The following FCHSD2 variants were observed in gnomAD, a reference collection of about 807,000 sequenced individuals.
FCHSD2 encodes the protein FCH and double SH3 domains 2, also known as F-BAR and double SH3 domains protein 2.
In FCHSD2, 38 loss-of-function variants were observed where a neutral mutation model predicts 108.1. That is an observed-to-expected ratio of 0.35 (90% CI 0.27 to 0.46). The LOEUF (loss-of-function observed/expected upper bound fraction) is 0.46, where lower values mean the gene tolerates loss of function less well. Ranked by LOEUF, FCHSD2 falls within the 20% of genes least tolerant of loss-of-function variation. The pLI is 1.00. For synonymous variants in FCHSD2, 279 were observed against 314.7 expected (o/e 0.89, Z 1.20); for missense variants, 751 against 897.8 (o/e 0.84, Z 2.09).
At chr11:72,873,591 C>T (rs1240472105) in intron 12 of FCHSD2, among the ~76,000 whole-genome samples, 1 of 152,000 alleles carries the variant, frequency 6.6e-6, no homozygotes, top group Non-Finnish European at 1.5e-5. Flanking sequence ...TTGATGATGT[C>T]TAATTTATCT....
intron 2 of FCHSD2, among the ~76,000 whole-genome samples, chr11:73,111,011 T>C (rs564391399): frequency 6.6e-6 from 1 of 152,346 alleles, no homozygotes; most frequent in South Asian, 2.1e-4. Flanking sequence ...TTTCTAGTTT[T>C]ATTCCATTGT....
intron 2 of FCHSD2, among the ~76,000 whole-genome samples, chr11:73,085,998 C>G (rs530445753): frequency 4.9e-4 from 74 of 152,156 alleles, no homozygotes; most frequent in Non-Finnish European, 5.4e-4. Flanking sequence ...TAAAGATGTT[C>G]AAAGAATTAA....
chr11:73,113,384 T>TTTC (rs1565096622), intron 2 of FCHSD2, among the ~76,000 whole-genome samples: 1 of 111,472 alleles, frequency 9.0e-6, no homozygotes, highest in Non-Finnish European at 1.9e-5. Context: ...TTTTTTTTTT[T>TTTC]CTGAGACAAG....
chr11:73,099,483 T>C (rs755467486), intron 2 of FCHSD2, among the ~76,000 whole-genome samples: 1 of 151,976 alleles, frequency 6.6e-6, no homozygotes, highest in Non-Finnish European at 1.5e-5. Context: ...TAAACAAAAA[T>C]TGGCACACAA....
intron 2 of FCHSD2, among the ~76,000 whole-genome samples, chr11:73,138,919 T>A (rs1338637350): frequency 2.0e-5 from 3 of 152,176 alleles, no homozygotes; most frequent in African/African-American, 7.2e-5. Flanking sequence ...CGCATAGGAA[T>A]TTTTAAGTCT....
chr11:72,887,196 A>G (rs1855215957), intron 12 of FCHSD2, among the ~76,000 whole-genome samples: 1 of 151,928 alleles, frequency 6.6e-6, no homozygotes, highest in South Asian at 2.1e-4. Flanking sequence ...GTGGTTTATT[A>G]TGTACCTTTT....
intron 2 of FCHSD2, among the ~76,000 whole-genome samples, chr11:73,114,987 A>C (rs1205412211): frequency 1.3e-5 from 2 of 152,018 alleles, no homozygotes; most frequent in Non-Finnish European, 2.9e-5. Flanking sequence ...AGCTCAGCAC[A>C]AAGACTTGCC....
chr11:73,082,113 G>A (rs1234284375), intron 3 of FCHSD2, among the ~76,000 whole-genome samples: 7 of 152,020 alleles, frequency 4.6e-5, no homozygotes, highest in Admixed American at 6.5e-5. Flanking sequence ...CGAGGTAGGC[G>A]GATCACGTGG....
chr11:73,057,401 G>A (rs551168331), intron 3 of FCHSD2, among the ~76,000 whole-genome samples: 2 of 152,258 alleles, frequency 1.3e-5, no homozygotes, highest in South Asian at 4.1e-4. Context: ...ATTCCACCAG[G>A]ATTTCCTTAC....
intron 2 of FCHSD2, among the ~76,000 whole-genome samples, chr11:73,103,303 T>C (rs951680358): frequency 2.0e-5 from 3 of 152,174 alleles, no homozygotes; most frequent in Non-Finnish European, 4.4e-5. Flanking sequence ...AATCCCAAAT[T>C]ACAAGTATTA....
intron 3 of FCHSD2, among the ~76,000 whole-genome samples, chr11:73,039,184 CAATTCCTTTAGG>C (rs1376056941): frequency 6.6e-6 from 1 of 152,130 alleles, no homozygotes; most frequent in Non-Finnish European, 1.5e-5. Flanking sequence ...TGGGAGTAAG[CAATTCCTTTAGG>C]ATTCCTCATA....
In FCHSD2 at chr11:73,133,374, T is replaced by A. The variant is rs1861048117; in HGVS notation, c.119+6657A>T. ...AAAGTAGAAACAACCCATATCTCTGTCAACTGATGAAGGGATTAATAAAAT... is the reference window on the plus strand; with the variant it reads ...AAAGTAGAAACAACCCATATCTCTGACAACTGATGAAGGGATTAATAAAAT... On this transcript the variant is annotated intron_variant, in intron 2 of 19. Coordinates refer to ENST00000409418, the MANE Select transcript of FCHSD2 (RefSeq NM_014824.3). Among the ~76,000 whole-genome samples, 3 of 152,172 alleles carry A rather than the reference T, an allele frequency of 2.0e-5. No homozygotes were observed. In the South Asian group the frequency reaches 6.2e-4, roughly 32 times the overall value.
intron 8 of FCHSD2, among the ~76,000 whole-genome samples, chr11:72,980,792 C>T (rs962363438): frequency 1.3e-5 from 2 of 151,072 alleles, no homozygotes; most frequent in Non-Finnish European, 2.9e-5. Context: ...CTCTCTTCTA[C>T]CATATTGAGC....
chr11:73,112,830 CTTATTTAGTATT>C (rs1860519277), intron 2 of FCHSD2, among the ~76,000 whole-genome samples: 1 of 151,960 alleles, frequency 6.6e-6, no homozygotes, highest in Non-Finnish European at 1.5e-5. Context: ...TATTTATTTA[CTTATTTAGTATT>C]TTTAGTAGAG....
chr11:73,141,556 T>C (rs1212112891), intron 1 of FCHSD2, among the ~76,000 whole-genome samples: 2 of 152,160 alleles, frequency 1.3e-5, no homozygotes, highest in Admixed American at 6.5e-5. Flanking sequence ...GCCCCGAGAA[T>C]GCACTTTGCA....
intron 3 of FCHSD2, among the ~76,000 whole-genome samples, chr11:73,065,868 G>A (rs1334204511): frequency 2.0e-5 from 3 of 152,074 alleles, no homozygotes; most frequent in Non-Finnish European, 2.9e-5. Context: ...ACAAACAAAT[G>A]GAAAAATATT....
chr11:72,997,860 C>T (rs1374856671), intron 5 of FCHSD2, among the ~76,000 whole-genome samples: 2 of 152,256 alleles, frequency 1.3e-5, no homozygotes, highest in South Asian at 4.1e-4. Flanking sequence ...ACCACCACAC[C>T]TGGCTAATTT....
Position 72,849,765 on chromosome 11 carries a change from T to C in FCHSD2, c.1433A>G (p.Tyr478Cys). 1 of 1,610,786 alleles carries C rather than the reference T, an allele frequency of 6.2e-7. No individual in the cohort carries two copies. Among genetic ancestry groups the C allele is most frequent in the Non-Finnish European group, 8.5e-7 (1 of 1,177,928 alleles). Reference sequence around the variant, plus strand: ...TGGAGAAATACAAACCTTGTAGGAATAAACAACTTTGCAGGTGAGTGGATA... The same window carrying C: ...TGGAGAAATACAAACCTTGTAGGAACAAACAACTTTGCAGGTGAGTGGATA... The part of the protein sequence containing the change: ...RNYPLTCKVV[Y>C]SYKASQPDEL... The change falls in exon 14 of 20, where the codon TAT (tyrosine) becomes TGT (cysteine). Residue 478 changes from tyrosine (Y) to cysteine (C), a missense_variant. By Grantham distance (194) the Tyr-to-Cys change is radical. Transcript: ENST00000409418.
chr11:72,948,671 C>CTTT (rs11400132), intron 8 of FCHSD2, among the ~76,000 whole-genome samples: 1 of 146,110 alleles, frequency 6.8e-6, no homozygotes, highest in Non-Finnish European at 1.5e-5. Flanking sequence ...ATTTTCATTT[C>CTTT]TTTTTTTTTT....
Sources: gnomAD v4.1 joint callset for allele counts (sites outside exome capture counted in the v4.1 genomes callset) on GRCh38, gnomAD v4.1.1 for gene constraint, MANE v1.5 for transcripts, NCBI Gene and HGNC (gene_info 2026-07-23, HGNC 2026-07-21) for gene names.